Variants in MACROD2 observed in about 807,000 individuals in gnomAD.
The protein encoded by MACROD2 is mono-ADP ribosylhydrolase 2.
MACROD2 carries 36 observed loss-of-function variants against 70.4 expected under a neutral mutation model. The ratio of observed to expected loss-of-function variants is 0.51; its 90% CI spans 0.39 to 0.68. The LOEUF (loss-of-function observed/expected upper bound fraction) is 0.68. Ranked by LOEUF, MACROD2 falls within the 30% of genes least tolerant of loss-of-function variation. MACROD2 has a pLI of 0.00. For missense variants in MACROD2, 496 were observed against 538.4 expected (o/e 0.92, Z 0.78); for synonymous variants, 172 against 178.8 (o/e 0.96, Z 0.30).
At chr20:14,621,702 G>C (rs1413948735) in intron 4 of MACROD2, 1 of 152,114 alleles carries the variant, frequency 6.6e-6, no homozygotes, top group Non-Finnish European at 1.5e-5. Context: ...CTGAGCTGTG[G>C]CTGTGTTTTG....
intron 8 of MACROD2, among the ~76,000 whole-genome samples, chr20:15,526,561 A>G (rs1001402348): frequency 3.3e-5 from 5 of 152,170 alleles, no homozygotes; most frequent in Non-Finnish European, 7.4e-5. Flanking sequence ...GAATGAGTAG[A>G]CAGGATATGT....
chr20:15,256,742 A>C (rs543256281), intron 6 of MACROD2, among the ~76,000 whole-genome samples: 16 of 152,068 alleles, frequency 1.1e-4, no homozygotes, highest in Non-Finnish European at 1.0e-4. Flanking sequence ...TAACCACGGA[A>C]TTTTTAGTGA....
At chr20:14,030,501 C>G (rs569994612) in intron 2 of MACROD2, among the ~76,000 whole-genome samples, 2 of 152,008 alleles carry the variant, frequency 1.3e-5, no homozygotes, top group Admixed American at 1.3e-4. Context: ...CTCTGCCTCC[C>G]GGGTTCAAGC....
chr20:15,268,083 G>C (rs2077312758), intron 6 of MACROD2, among the ~76,000 whole-genome samples: 1 of 152,194 alleles, frequency 6.6e-6, no homozygotes, highest in South Asian at 2.1e-4. Flanking sequence ...AAGTTAGTGA[G>C]TGAAATCAGA....
chr20:15,234,009 A>ATATATTTTTTTTT (rs1555795277), intron 6 of MACROD2, among the ~76,000 whole-genome samples: 2 of 39,994 alleles, frequency 5.0e-5, no homozygotes, highest in South Asian at 1.1e-3. Context: ...ATATATATAT[A>ATATATTTTTTTTT]TTCTTTTTTT....
chr20:14,624,678 A>C (rs1260457883), intron 4 of MACROD2, among the ~76,000 whole-genome samples: 1 of 152,238 alleles, frequency 6.6e-6, no homozygotes, highest in African/African-American at 2.4e-5. Context: ...AGAAAACTGC[A>C]TGAGCAGGTG....
chr20:14,761,332 A>T (rs2123753473), intron 5 of MACROD2, among the ~76,000 whole-genome samples: 1 of 152,222 alleles, frequency 6.6e-6, no homozygotes, highest in Admixed American at 6.5e-5. Flanking sequence ...TTCTCCATGC[A>T]ACCTCCTGAA....
intron 3 of MACROD2, among the ~76,000 whole-genome samples, chr20:14,307,812 A>G (rs566084905): frequency 6.6e-6 from 1 of 152,138 alleles, no homozygotes; most frequent in East Asian, 1.9e-4. Flanking sequence ...CTCCTTTTCT[A>G]GATTTTTCTT....
chr20:15,350,242 G>A (rs556948059), intron 6 of MACROD2, among the ~76,000 whole-genome samples: 40 of 152,112 alleles, frequency 2.6e-4, no homozygotes, highest in South Asian at 1.7e-3. Flanking sequence ...AGGCTGCAGT[G>A]ATCATAATGA....
intron 4 of MACROD2, among the ~76,000 whole-genome samples, chr20:14,549,307 G>A (rs983032041): frequency 4.6e-5 from 7 of 152,060 alleles, no homozygotes; most frequent in Admixed American, 2.0e-4. Flanking sequence ...CCCTTTAACT[G>A]TTAATATCAT....
At chr20:15,751,855 T>C (rs978384450) in intron 8 of MACROD2, among the ~76,000 whole-genome samples, 3 of 151,080 alleles carry the variant, frequency 2.0e-5, no homozygotes, top group African/African-American at 7.3e-5. Flanking sequence ...AGCTGGTTTT[T>C]GTGTTAGATG....
chr20:14,570,196 G>C (rs987652512), intron 4 of MACROD2, among the ~76,000 whole-genome samples: 7 of 152,004 alleles, frequency 4.6e-5, no homozygotes, highest in African/African-American at 1.7e-4. Context: ...TATATACAAC[G>C]GCATGGATTA....
At chr20:15,805,386 C>T (rs954729001) in intron 8 of MACROD2, among the ~76,000 whole-genome samples, 2 of 151,554 alleles carry the variant, frequency 1.3e-5, no homozygotes, top group South Asian at 2.1e-4. Flanking sequence ...CCTAGGGAAT[C>T]GAGTTTTATC....
At position 15,535,560 on chromosome 20, in the gene MACROD2, A is replaced by G. The variant is rs150667568; in HGVS notation, c.645+35713A>G. Among the ~76,000 whole-genome samples, 83 of 152,318 alleles carry G rather than the reference A, an allele frequency of 5.4e-4. No individual in the cohort carries two copies. The East Asian group carries it at 0.014, about 25-fold the overall frequency. ...GATTTCAAAGAATAGGGTAATTCCC[A>G]GATTATTATACTGAGAGCTTCACAA... On this transcript the variant is annotated intron_variant, in intron 8 of 17. Transcript: ENST00000684519.
intron 7 of MACROD2, among the ~76,000 whole-genome samples, chr20:15,451,365 G>A (rs1262284016): frequency 6.9e-6 from 1 of 144,508 alleles, no homozygotes; most frequent in Non-Finnish European, 1.5e-5. Context: ...CCTGCCTATG[G>A]TGCTTTCCAA....
At chr20:14,394,121 C>G (rs947133896) in intron 3 of MACROD2, among the ~76,000 whole-genome samples, 1 of 152,152 alleles carries the variant, frequency 6.6e-6, no homozygotes, top group Non-Finnish European at 1.5e-5. Context: ...ATATTATGTC[C>G]TATGAATACC....
intron 5 of MACROD2, chr20:14,934,037 A>C (rs1417369395): frequency 3.9e-5 from 6 of 152,184 alleles, no homozygotes; most frequent in Non-Finnish European, 8.8e-5. Flanking sequence ...TGCACAACTG[A>C]TAAGTAGGTA....
intron 8 of MACROD2, among the ~76,000 whole-genome samples, chr20:15,508,677 C>T (rs1415924393): frequency 1.3e-5 from 2 of 152,168 alleles, no homozygotes; most frequent in South Asian, 4.1e-4. Flanking sequence ...CCAGATTTAG[C>T]CATACATGAG....
chr20:14,306,955 G>T (rs1174547798), intron 3 of MACROD2, among the ~76,000 whole-genome samples: 1 of 151,676 alleles, frequency 6.6e-6, no homozygotes, highest in African/African-American at 2.4e-5. Context: ...GTTGATTGCT[G>T]CAGCTAGAAC....
Sources: gnomAD v4.1 joint callset for allele counts (sites outside exome capture counted in the v4.1 genomes callset) on GRCh38, gnomAD v4.1.1 for gene constraint, MANE v1.5 for transcripts, NCBI Gene and HGNC (gene_info 2026-07-23, HGNC 2026-07-21) for gene names.